The following GRM7 variants were observed in gnomAD, a reference collection of about 807,000 sequenced individuals.
GRM7 encodes glutamate metabotropic receptor 7, also known as metabotropic glutamate receptor 7.
A neutral mutation model predicts 84.5 loss-of-function variants in GRM7; 35 were observed. The observed-to-expected ratio is 0.41, with a 90% CI of 0.32 to 0.55. The LOEUF (loss-of-function observed/expected upper bound fraction) is 0.55, where lower values mean the gene tolerates loss of function less well. Ranked by LOEUF, GRM7 falls within the 20% of genes least tolerant of loss-of-function variation. The pLI is 0.19. For synonymous variants in GRM7, 487 were observed against 455.1 expected, an observed-to-expected ratio of 1.07 and a Z score of -0.89; for missense variants, 1,003 against 1,194.6, an observed-to-expected ratio of 0.84 and a Z score of 2.36.
chr3:7,676,471 T>A (rs1700126658), intron 8 of GRM7, among the ~76,000 whole-genome samples: 3 of 152,308 alleles, frequency 2.0e-5, no homozygotes, highest in East Asian at 1.9e-4. Flanking sequence ...TAATTAATTA[T>A]TTTTGAGATG....
chr3:7,120,485 T>G (rs965350732), intron 1 of GRM7, among the ~76,000 whole-genome samples: 34 of 152,142 alleles, frequency 2.2e-4, no homozygotes, highest in African/African-American at 7.5e-4. Context: ...CTTAGGTAGC[T>G]ACAAAAACAT....
At chr3:7,201,122 A>G (rs1213697364) in intron 2 of GRM7, among the ~76,000 whole-genome samples, 2 of 151,444 alleles carry the variant, frequency 1.3e-5, no homozygotes, top group African/African-American at 4.9e-5. Flanking sequence ...GACACCCACC[A>G]CCACGCCCGG....
At chr3:6,876,125 G>A (rs752728229) in intron 1 of GRM7, among the ~76,000 whole-genome samples, 5 of 152,156 alleles carry the variant, frequency 3.3e-5, no homozygotes, top group South Asian at 4.2e-4. Flanking sequence ...AAAATTATCC[G>A]GGCATGGCGG....
At chr3:7,462,355 G>C (rs539440201) in intron 7 of GRM7, among the ~76,000 whole-genome samples, 5 of 152,168 alleles carry the variant, frequency 3.3e-5, no homozygotes, top group Non-Finnish European at 7.4e-5. Context: ...ATCCACATTG[G>C]GGAGGGCAAT....
At chr3:7,715,421 G>C (rs753583741) in intron 9 of GRM7, among the ~76,000 whole-genome samples, 2 of 152,054 alleles carry the variant, frequency 1.3e-5, no homozygotes, top group Non-Finnish European at 2.9e-5. Flanking sequence ...TTTAGTGAGC[G>C]ACCATCATGC....
At chr3:7,542,699 C>T (rs543527719) in intron 7 of GRM7, among the ~76,000 whole-genome samples, 2 of 152,104 alleles carry the variant, frequency 1.3e-5, no homozygotes, top group South Asian at 4.2e-4. Flanking sequence ...AGGCACATGC[C>T]ACCACGCCAG....
intron 8 of GRM7, among the ~76,000 whole-genome samples, chr3:7,672,049 T>G (rs772499107): frequency 2.6e-5 from 4 of 152,084 alleles, no homozygotes; most frequent in Admixed American, 6.5e-5. Flanking sequence ...TTGAATCCTC[T>G]TTCTAAAGGA....
Position 6,893,465 on chromosome 3 carries a change from T to C in GRM7, c.519+31558T>C, listed in dbSNP as rs1430012930. Among the ~76,000 whole-genome samples, 2 of 152,212 alleles carry C rather than the reference T, an allele frequency of 1.3e-5. 1 individual carries two copies. On this transcript the variant is annotated intron_variant, in intron 1 of 9. Transcript: ENST00000357716. ...CTAATTCGGCCTCTAACTCATCGTTTATTTGACCTAATTGAGGCAATTATC... is the reference window on the plus strand; with the variant it reads ...CTAATTCGGCCTCTAACTCATCGTTCATTTGACCTAATTGAGGCAATTATC...
intron 9 of GRM7, among the ~76,000 whole-genome samples, chr3:7,701,524 C>T (rs1028488083): frequency 2.0e-5 from 3 of 152,004 alleles, no homozygotes; most frequent in Non-Finnish European, 4.4e-5. Context: ...AGGATGGTCT[C>T]GATCTCCTGA....
intron 9 of GRM7, among the ~76,000 whole-genome samples, chr3:7,739,811 A>G (rs146309701): frequency 6.6e-6 from 1 of 152,362 alleles, no homozygotes; most frequent in African/African-American, 2.4e-5. Context: ...TGAGCTTTAC[A>G]TCTTAATGGA....
Position 7,081,048 on chromosome 3 carries a change from G to A in GRM7, c.520-65404G>A, listed in dbSNP as rs73112890. Among the ~76,000 whole-genome samples, 1,200 of 152,150 alleles carry A rather than the reference G, an allele frequency of 7.9e-3. 19 individuals carry two copies. Among genetic ancestry groups the A allele is most frequent in the African/African-American group, 0.028 (1,145 of 41,536 alleles). ...ATAACGAAGATATAAGTTACTTTGT[G>A]TAGCTTCTCCCCCCTTGTTGTCTCC... On this transcript the variant is annotated intron_variant, in intron 1 of 9. Transcript: ENST00000357716.
intron 1 of GRM7, among the ~76,000 whole-genome samples, chr3:6,898,402 C>CA (rs58548226): frequency 0.025 from 2,508 of 101,796 alleles, 45 homozygotes; most frequent in South Asian, 0.045. Flanking sequence ...GGCACAAAGA[C>CA]AAAAAAAAAA....
intron 4 of GRM7, among the ~76,000 whole-genome samples, chr3:7,339,324 C>T (rs757871533): frequency 2.0e-5 from 3 of 152,086 alleles, no homozygotes; most frequent in Non-Finnish European, 2.9e-5. Context: ...TGCTGGTTTG[C>T]CCCTCTTTTT....
chr3:7,158,008 A>T (rs1402664863), intron 2 of GRM7, among the ~76,000 whole-genome samples: 1 of 152,146 alleles, frequency 6.6e-6, no homozygotes, highest in African/African-American at 2.4e-5. Context: ...TCTTTTCAAA[A>T]ACTGTGTGGG....
At chr3:7,088,840 A>G (rs1467575360) in intron 1 of GRM7, among the ~76,000 whole-genome samples, 1 of 151,352 alleles carries the variant, frequency 6.6e-6, no homozygotes, top group Non-Finnish European at 1.5e-5. Flanking sequence ...GGAATTTGTA[A>G]GAAGAATTTA....
At chr3:7,438,035 G>A (rs1216487318) in intron 5 of GRM7, among the ~76,000 whole-genome samples, 2 of 152,044 alleles carry the variant, frequency 1.3e-5, no homozygotes, top group South Asian at 2.1e-4. Flanking sequence ...TGTGACTGAA[G>A]GGAGTCAGAT....
intron 1 of GRM7, among the ~76,000 whole-genome samples, chr3:6,874,930 C>T (rs1174336539): frequency 6.6e-6 from 1 of 152,156 alleles, no homozygotes; most frequent in Non-Finnish European, 1.5e-5. Context: ...ACCTTGACCT[C>T]TTAGTATTCT....
chr3:7,170,488 A>T (rs1574986856), intron 2 of GRM7, among the ~76,000 whole-genome samples: 1 of 151,982 alleles, frequency 6.6e-6, no homozygotes, highest in Non-Finnish European at 1.5e-5. Flanking sequence ...GTTTTTCCCC[A>T]CTCTTGGGTT....
In GRM7 at chr3:6,861,322, CG is replaced by C. The variant is rs1394739815; in HGVS notation, c.-65del. On this transcript the variant is annotated 5_prime_UTR_variant, in exon 1 of 10. Transcript: ENST00000357716. The surrounding 1 kb of genome is among the most constrained non-coding windows in gnomAD (Gnocchi z 6.4). Reference sequence around the variant, plus strand: ...CCGGAGGAGCTCGCCCTGAAGGGCCCGGACCTCGGCGAGCCCACCACCGTTC... The same window carrying C: ...CCGGAGGAGCTCGCCCTGAAGGGCCCGACCTCGGCGAGCCCACCACCGTTC... The C allele has an allele frequency of 7.2e-7, 1 of 1,379,970 alleles. No individual in the cohort carries two copies. Among genetic ancestry groups the C allele is most frequent in the Non-Finnish European group, 9.4e-7 (1 of 1,059,946 alleles). The allele number at this position is 1,379,970 out of a possible 1,614,324, so 85.5% of individuals were successfully genotyped here. A position where few individuals can be genotyped will look rare whatever the true frequency, so the allele number is the denominator to read the frequency against.
Sources: allele counts gnomAD v4.1 joint callset (sites outside exome capture counted in the v4.1 genomes callset), GRCh38; gene constraint gnomAD v4.1.1; non-coding constraint Gnocchi (gnomAD v3.1); transcripts MANE v1.5; gene names NCBI Gene and HGNC (gene_info 2026-07-23, HGNC 2026-07-21).